IGSF10: variants seen among roughly 807,000 people sequenced by gnomAD.
The protein encoded by IGSF10 is immunoglobulin superfamily member 10, also known as calvaria mechanical force protein 608.
Under a neutral mutation model 128.2 loss-of-function variants are expected in IGSF10, and 126 were observed. That is an observed-to-expected ratio of 0.98 (90% confidence interval 0.85 to 1.14). The LOEUF (loss-of-function observed/expected upper bound fraction) is 1.14, where lower values mean the gene tolerates loss of function less well. Ranked by LOEUF, IGSF10 falls within the 50% of genes most tolerant of loss-of-function variation. IGSF10 has a pLI of 0.00. For missense variants in IGSF10, 3,295 were observed against 3,149.8 expected, an observed-to-expected ratio of 1.05 and a Z score of -1.10; for synonymous variants, 1,185 against 1,146.2, an observed-to-expected ratio of 1.03 and a Z score of -0.68.
At chr3:151,613,741 A>T in the IGSF10 span, among the ~76,000 whole-genome samples, 4 of 151,894 alleles carry the variant, frequency 2.6e-5, no homozygotes, top group African/African-American at 4.8e-5. Context: ...AACTTAGGCA[A>T]TACCATTCAG....
rs143639322 is a variant in IGSF10, at chr3:151,449,671, G to A, written c.716-406C>T. ...TTTTAACATTTTAAGATGGCCACAG[G>A]ACCTCACTGTTCTTTAAAAGATAAG... On this transcript the variant is annotated intron_variant, in intron 5 of 7. Transcript: ENST00000282466. Among the ~76,000 whole-genome samples, 32 of 152,176 alleles carry A rather than the reference G, an allele frequency of 2.1e-4. No individual in the cohort carries two copies. In the South Asian group the frequency reaches 2.7e-3, roughly 13 times the overall value.
rs374519663 is a variant in IGSF10, at chr3:151,448,032, G to A, written c.1949C>T (p.Pro650Leu). 5 of 1,614,182 alleles carry A rather than the reference G, an allele frequency of 3.1e-6. No homozygotes were observed. In the South Asian group the frequency reaches 4.4e-5, roughly 14 times the overall value. The change falls in exon 6 of 8, where the codon CCA becomes CTA. Residue 650 changes from proline (P) to leucine (L), a missense_variant. By Grantham distance (98) the Pro-to-Leu change is moderately conservative. Coordinates refer to ENST00000282466, the MANE Select transcript of IGSF10 (RefSeq NM_178822.5). ...QGYYRCVAAN[P>L]SGVDFLIFQV... ...GAAAATCAAAAAATCAACCCCTGAT[G>A]GGTTGGCTGCCACACAGCGATAATA...
chr3:151,460,281 C>T lies in IGSF10; in HGVS notation c.-22G>A. The T allele has an allele frequency of 2.0e-6, 2 of 978,588 alleles. No homozygotes were observed. The highest frequency in any genetic ancestry group is 2.4e-6 in the Non-Finnish European group (2 of 823,720). 60.6% of individuals were successfully genotyped at this position (978,588 alleles called of 1,614,324 possible). A position where few individuals can be genotyped will look rare whatever the true frequency, so the allele number is the denominator to read the frequency against. ...AATACCTGAGCTCTTCTTTCAGGTC[C>T]TGAGTCCTCTTGTGACATAGGCAGA... On this transcript the variant is annotated 5_prime_UTR_variant, in exon 2 of 8. Transcript: ENST00000282466.
At chr3:151,505,166 A>G in the IGSF10 span, among the ~76,000 whole-genome samples, 2 of 152,208 alleles carry the variant, frequency 1.3e-5, no homozygotes, top group African/African-American at 2.4e-5. Flanking sequence ...GAGACTGGGT[A>G]ATTTATAAAG....
chr3:151,560,883 G>A, the IGSF10 span, among the ~76,000 whole-genome samples: 1 of 152,138 alleles, frequency 6.6e-6, no homozygotes, highest in East Asian at 1.9e-4. Context: ...TCTTAACAAC[G>A]TTGACTTCTT....
In IGSF10 at chr3:151,458,435, C is replaced by T. The variant is rs1721901930; in HGVS notation, c.194+81G>A. 4 of 1,008,016 alleles carry T rather than the reference C, an allele frequency of 4.0e-6. No individual in the cohort carries two copies. In the South Asian group the frequency reaches 9.3e-5, roughly 23 times the overall value. The allele number at this position is 1,008,016 out of a possible 1,614,324, so 62.4% of individuals were successfully genotyped here. A position where few individuals can be genotyped will look rare whatever the true frequency, so the allele number is the denominator to read the frequency against. On this transcript the variant is annotated intron_variant, in intron 3 of 7. Coordinates refer to ENST00000282466, the MANE Select transcript of IGSF10 (RefSeq NM_178822.5). ...GTTAAAACAATTGAGATTCATCTCC[C>T]AAAGTCATAGATGTTTGAGGGACAA...
At position 151,438,315 on chromosome 3, in the gene IGSF10, A is replaced by ATTG; in HGVS notation, c.6243_6245dup (p.Asn2082dup). ...GGCCACTGTCATCGGCTTGCATTGC[A>ATTG]TTGTTGATCATGGTTCCATCAGGCA... On this transcript the variant is annotated inframe_insertion, in exon 8 of 8. Coordinates refer to ENST00000282466, the MANE Select transcript of IGSF10 (RefSeq NM_178822.5). 2 of 1,614,092 alleles carry ATTG rather than the reference A, an allele frequency of 1.2e-6. No homozygotes were observed. Among genetic ancestry groups the ATTG allele is most frequent in the Admixed American group, 1.7e-5 (1 of 60,012 alleles).
At chr3:151,600,622 A>G in the IGSF10 span, among the ~76,000 whole-genome samples, 4 of 152,160 alleles carry the variant, frequency 2.6e-5, no homozygotes, top group African/African-American at 9.6e-5. Context: ...AAAAATTTCT[A>G]GAAGTAAAAT....
the IGSF10 span, among the ~76,000 whole-genome samples, chr3:151,483,239 C>T: frequency 6.6e-6 from 1 of 151,870 alleles, no homozygotes; most frequent in Admixed American, 6.6e-5. Flanking sequence ...ACAAAAGCTA[C>T]AATAAGTTGT....
the IGSF10 span, among the ~76,000 whole-genome samples, chr3:151,518,987 C>T: frequency 2.0e-5 from 3 of 151,900 alleles, no homozygotes; most frequent in Non-Finnish European, 4.4e-5. Flanking sequence ...TCTTTGACAG[C>T]TTCTGTGCAT....
Position 151,458,622 on chromosome 3 carries a change from G to T in IGSF10, c.88C>A (p.Pro30Thr). The T allele has an allele frequency of 6.2e-7, 1 of 1,614,174 alleles. No homozygotes were observed. The highest frequency in any genetic ancestry group is 8.5e-7 in the Non-Finnish European group (1 of 1,180,038). The change falls in exon 3 of 8, where the codon CCT becomes ACT. Residue 30 changes from proline to threonine, a missense_variant. By Grantham distance (38) the Pro-to-Thr change is conservative. Transcript: ENST00000282466. Reference protein sequence around the residue: ...LVATPGGKACPRRCACYMPTE... With the variant: ...LVATPGGKACTRRCACYMPTE... Reference sequence around the variant, plus strand: ...GGCATATAACAGGCACAGCGGCGAGGACAGGCCTTGCCCCCAGGGGTGGCG... The same window carrying T: ...GGCATATAACAGGCACAGCGGCGAGTACAGGCCTTGCCCCCAGGGGTGGCG...
At chr3:151,562,267 A>C in the IGSF10 span, among the ~76,000 whole-genome samples, 1,095 of 152,304 alleles carry the variant, frequency 7.2e-3, 11 homozygotes, top group South Asian at 0.015. Flanking sequence ...CAGCAATGTC[A>C]GGAAGTTACC....
Position 151,448,648 on chromosome 3 carries a change from A to G in IGSF10, c.1333T>C (p.Phe445Leu). ...GAGTACTGGATCTGTAATGTACTGA[A>G]TGTGGTGGCAGTTCTGTTCAGCTGC... ...SLQLNRTATT[F>L]STLQIQYSSD... The change falls in exon 6 of 8, where the codon TTC (phenylalanine) becomes CTC (leucine). Residue 445 changes from phenylalanine to leucine, a missense_variant. By Grantham distance (22) the Phe-to-Leu change is conservative. Transcript: ENST00000282466. 1 of 1,614,138 alleles carries G rather than the reference A, an allele frequency of 6.2e-7. No homozygotes were observed. Among genetic ancestry groups the G allele is most frequent in the Non-Finnish European group, 8.5e-7 (1 of 1,180,028 alleles).
At chr3:151,480,393 C>G in the IGSF10 span, among the ~76,000 whole-genome samples, 1 of 152,182 alleles carries the variant, frequency 6.6e-6, no homozygotes, top group Non-Finnish European at 1.5e-5. Context: ...CCACCATTAG[C>G]ATCGTGGACA....
At chr3:151,449,375 T>C in intron 5 of IGSF10, 110 bp from the exon 6 acceptor site, 2 of 1,090,192 alleles carry the variant, frequency 1.8e-6, no homozygotes, top group East Asian at 2.5e-5. Context: ...GAAATTTTAG[T>C]GTTCAATGGA....
the IGSF10 span, among the ~76,000 whole-genome samples, chr3:151,593,005 C>T: frequency 1.3e-5 from 2 of 152,158 alleles, no homozygotes; most frequent in Admixed American, 6.5e-5. Context: ...TGTTTATAAT[C>T]AGTAGCACAT....
At position 151,445,512 on chromosome 3, in the gene IGSF10, A is replaced by G. The variant is rs1380928227; in HGVS notation, c.4469T>C (p.Val1490Ala). The change falls in exon 6 of 8, where the codon GTG becomes GCG. Residue 1490 changes from valine (V) to alanine (A), a missense_variant. By Grantham distance (64) the Val-to-Ala change is moderately conservative (BLOSUM62 0). Transcript: ENST00000282466. ...PFTQRAVTDNVATPISGLMTN... is the reference protein window; with the variant it reads ...PFTQRAVTDNAATPISGLMTN... ...CATAAGCCCGGAAATGGGAGTCGCC[A>G]CGTTGTCAGTAACTGCTCTCTGAGT... 1 of 1,614,070 alleles carries G rather than the reference A, an allele frequency of 6.2e-7. No individual in the cohort carries two copies. Among genetic ancestry groups the G allele is most frequent in the Non-Finnish European group, 8.5e-7 (1 of 1,180,036 alleles).
the IGSF10 span, among the ~76,000 whole-genome samples, chr3:151,562,301 T>C: frequency 2.8e-4 from 43 of 152,176 alleles, no homozygotes; most frequent in African/African-American, 9.9e-4. Flanking sequence ...AAAAGGGGAA[T>C]ATTAATAATC....
the IGSF10 span, among the ~76,000 whole-genome samples, chr3:151,558,008 A>ATATATATAATATATATATAT: frequency 5.3e-5 from 2 of 37,840 alleles, no homozygotes; most frequent in African/African-American, 2.9e-4. Flanking sequence ...TATATATAAT[A>ATATATATAATATATATATAT]TATATATATA....
Sources: allele counts gnomAD v4.1 joint callset (sites outside exome capture counted in the v4.1 genomes callset), GRCh38; gene constraint gnomAD v4.1.1; transcripts MANE v1.5; gene names NCBI Gene and HGNC (gene_info 2026-07-23, HGNC 2026-07-21).